Variants in DPYD observed in about 807,000 individuals in gnomAD.
DPYD encodes the protein dihydropyrimidine dehydrogenase, also known as dihydropyrimidine dehydrogenase [NADP(+)].
A neutral mutation model predicts 116.2 loss-of-function variants in DPYD; 109 were observed. That is an observed-to-expected ratio of 0.94 (90% CI 0.80 to 1.10). The LOEUF (loss-of-function observed/expected upper bound fraction) is 1.10. DPYD is among the 50% of genes least tolerant of loss of function. The pLI, the probability that DPYD is intolerant of heterozygous loss-of-function variation, is 0.00. For synonymous variants in DPYD, 440 were observed against 432.0 expected (o/e 1.02, Z -0.23); for missense variants, 1,302 against 1,254.5 (o/e 1.04, Z -0.57).
At chr1:97,271,816 T>G (rs1177223165) in intron 18 of DPYD, among the ~76,000 whole-genome samples, 2 of 152,146 alleles carry the variant, frequency 1.3e-5, no homozygotes, top group African/African-American at 4.8e-5. Flanking sequence ...TTCCACACTT[T>G]GAATAATTGA....
chr1:97,835,550 T>C (rs929061374), intron 2 of DPYD, among the ~76,000 whole-genome samples: 1 of 152,106 alleles, frequency 6.6e-6, no homozygotes, highest in Non-Finnish European at 1.5e-5. Context: ...AGCTACAGTA[T>C]CCTACCTGCT....
chr1:97,598,113 C>T lies in DPYD; in HGVS notation c.851-2947G>A, dbSNP rs543904891. Among the ~76,000 whole-genome samples, 4 of 152,108 alleles carry T rather than the reference C, an allele frequency of 2.6e-5. No individual in the cohort carries two copies. The East Asian group carries it at 7.7e-4, about 29-fold the overall frequency. On this transcript the variant is annotated intron_variant, in intron 8 of 22. Coordinates refer to ENST00000370192, the MANE Select transcript of DPYD (RefSeq NM_000110.4). ...TTATTCTATAATTTATCAATTATTT[C>T]ATACTTCATATTGCATGGCAAGGAA...
chr1:97,378,403 T>C (rs1005855084), intron 15 of DPYD, among the ~76,000 whole-genome samples: 1 of 152,170 alleles, frequency 6.6e-6, no homozygotes, highest in Non-Finnish European at 1.5e-5. Flanking sequence ...GTAAAGAAAC[T>C]GATAGGAAAC....
intron 20 of DPYD, among the ~76,000 whole-genome samples, chr1:97,116,782 C>T (rs1246302689): frequency 6.6e-6 from 1 of 152,012 alleles, no homozygotes; most frequent in East Asian, 1.9e-4. Context: ...AATTTTTGTA[C>T]ACAATCTCCT....
chr1:97,449,731 C>A (rs1002415668), intron 14 of DPYD, among the ~76,000 whole-genome samples: 2 of 152,106 alleles, frequency 1.3e-5, no homozygotes, highest in Non-Finnish European at 2.9e-5. Context: ...CAATTTCTTC[C>A]TAAGGTCATC....
At chr1:97,690,131 A>G (rs761996943) in intron 7 of DPYD, among the ~76,000 whole-genome samples, 3 of 152,048 alleles carry the variant, frequency 2.0e-5, no homozygotes, top group Non-Finnish European at 4.4e-5. Flanking sequence ...ATGTAAACAA[A>G]TATTTTTATA....
chr1:97,242,730 A>T (rs1308034573), intron 18 of DPYD, among the ~76,000 whole-genome samples: 2 of 151,826 alleles, frequency 1.3e-5, no homozygotes, highest in Non-Finnish European at 2.9e-5. Flanking sequence ...ATTTTTATAT[A>T]TGAGTGATAC....
intron 2 of DPYD, among the ~76,000 whole-genome samples, chr1:97,851,924 A>G (rs1468538486): frequency 6.6e-6 from 1 of 151,696 alleles, no homozygotes; most frequent in Non-Finnish European, 1.5e-5. Context: ...CCAACATGAC[A>G]CATGTATACC....
intron 19 of DPYD, among the ~76,000 whole-genome samples, chr1:97,223,438 C>T (rs1660909055): frequency 6.6e-6 from 1 of 151,408 alleles, no homozygotes; most frequent in African/African-American, 2.4e-5. Context: ...CACATCCATA[C>T]AATCTCAATG....
chr1:97,292,166 G>T (rs1197058293), intron 18 of DPYD, among the ~76,000 whole-genome samples: 1 of 152,038 alleles, frequency 6.6e-6, no homozygotes, highest in East Asian at 1.9e-4. Context: ...TATTTGAAAA[G>T]CTCCTCAGGT....
At chr1:97,240,192 A>G (rs979845657) in intron 18 of DPYD, among the ~76,000 whole-genome samples, 8 of 151,512 alleles carry the variant, frequency 5.3e-5, no homozygotes, top group African/African-American at 9.7e-5. Context: ...GATTACTTTG[A>G]CCCCAAAGGA....
chr1:97,666,412 C>G (rs936996260), intron 8 of DPYD, among the ~76,000 whole-genome samples: 2 of 152,052 alleles, frequency 1.3e-5, no homozygotes, highest in Admixed American at 6.6e-5. Flanking sequence ...TCCTGCCTCA[C>G]CCTCCCAAAA....
intron 3 of DPYD, among the ~76,000 whole-genome samples, chr1:97,742,122 C>T (rs748705589): frequency 5.3e-4 from 80 of 152,008 alleles, no homozygotes; most frequent in Admixed American, 1.7e-3. Flanking sequence ...TATACTACTG[C>T]CACATGTGTC....
At chr1:97,289,074 C>A (rs1163537277) in intron 18 of DPYD, among the ~76,000 whole-genome samples, 29 of 152,160 alleles carry the variant, frequency 1.9e-4, no homozygotes, top group Admixed American at 1.9e-3. Context: ...CACAAATAAA[C>A]TAGAAAATCT....
At chr1:97,692,293 G>T (rs1661049879) in intron 6 of DPYD, among the ~76,000 whole-genome samples, 1 of 151,914 alleles carries the variant, frequency 6.6e-6, no homozygotes, top group African/African-American at 2.4e-5. Context: ...TTACCATACT[G>T]TTTAGAATAT....
At position 97,243,676 on chromosome 1, in the gene DPYD, C is replaced by G. The variant is rs192952429; in HGVS notation, c.2300-8682G>C. ...GGTATGATAAAACCATAAAAATCAA[C>G]ATTATAGAAAAATAGACATTATATT... On this transcript the variant is annotated intron_variant, in intron 18 of 22. Coordinates refer to ENST00000370192, the MANE Select transcript of DPYD (RefSeq NM_000110.4). 4.1e-3 allele frequency among the ~76,000 whole-genome samples: 618 copies of G among 151,836 alleles called. 4 individuals are homozygous for G. The highest frequency in any genetic ancestry group is 3.0e-3 in the Non-Finnish European group (201 of 67,832).
chr1:97,128,092 C>CT lies in DPYD; in HGVS notation c.2623-29461dup, dbSNP rs1652986091. On this transcript the variant is annotated intron_variant, in intron 20 of 22. Coordinates refer to ENST00000370192, the MANE Select transcript of DPYD (RefSeq NM_000110.4). ...TTTCTATTCTGTATCCTTGAACACTCTCACTGAAACAGGCACTAAATAATT... is the reference window on the plus strand; with the variant it reads ...TTTCTATTCTGTATCCTTGAACACTCTTCACTGAAACAGGCACTAAATAATT... Among the ~76,000 whole-genome samples, 3 of 152,278 alleles carry CT rather than the reference C, an allele frequency of 2.0e-5. No individual in the cohort carries two copies. In the South Asian group the frequency reaches 6.2e-4, roughly 32 times the overall value.
chr1:97,660,252 TTTATA>T (rs1659172297), intron 8 of DPYD, among the ~76,000 whole-genome samples: 1 of 152,128 alleles, frequency 6.6e-6, no homozygotes, highest in South Asian at 2.1e-4. Context: ...GTTGATTTTA[TTTATA>T]TATGCTTGAA....
chr1:97,451,976 T>C (rs962581631), intron 13 of DPYD, among the ~76,000 whole-genome samples: 1 of 152,166 alleles, frequency 6.6e-6, no homozygotes, highest in Non-Finnish European at 1.5e-5. Flanking sequence ...TGTATTTAGT[T>C]CACCAAGTCA....
Sources: gnomAD v4.1 joint callset for allele counts (sites outside exome capture counted in the v4.1 genomes callset) on GRCh38, gnomAD v4.1.1 for gene constraint, MANE v1.5 for transcripts, NCBI Gene and HGNC (gene_info 2026-07-23, HGNC 2026-07-21) for gene names.